CNTNAP2: variants seen among roughly 807,000 people sequenced by gnomAD.
CNTNAP2 encodes the protein contactin-associated protein-like 2.
Under a neutral mutation model 155.2 loss-of-function variants are expected in CNTNAP2, and 98 were observed. That is an observed-to-expected ratio of 0.63 (90% CI 0.54 to 0.75). CNTNAP2 has a LOEUF of 0.75. Ranked by LOEUF, CNTNAP2 falls within the 30% of genes least tolerant of loss-of-function variation. The pLI, the probability that CNTNAP2 is intolerant of heterozygous loss-of-function variation, is 0.00. For missense variants in CNTNAP2, 1,727 were observed against 1,688.1 expected (o/e 1.02, Z -0.40); for synonymous variants, 651 against 631.2 (o/e 1.03, Z -0.47).
chr7:146,330,085 C>A lies in CNTNAP2; in HGVS notation c.97+213112C>A, dbSNP rs532372311. 1.5e-4 allele frequency among the ~76,000 whole-genome samples: 20 copies of A among 129,754 alleles called. No homozygotes were observed. In the East Asian group the frequency reaches 4.2e-3, roughly 27 times the overall value. 85.1% of individuals were successfully genotyped at this position (129,754 alleles called of 152,430 possible). A position where few individuals can be genotyped will look rare whatever the true frequency, so the allele number is the denominator to read the frequency against. ...TTGCCCAGGCTGGAGTGCAATGGCA[C>A]AATCTTGGCTCACTGCAACCTCCGC... On this transcript the variant is annotated intron_variant, in intron 1 of 23. Coordinates refer to ENST00000361727, the MANE Select transcript of CNTNAP2 (RefSeq NM_014141.6).
intron 11 of CNTNAP2, among the ~76,000 whole-genome samples, chr7:147,541,224 T>C (rs975308415): frequency 6.6e-6 from 1 of 152,190 alleles, no homozygotes; most frequent in Non-Finnish European, 1.5e-5. Context: ...TGACTCTTAG[T>C]ATAATGCAGT....
intron 16 of CNTNAP2, among the ~76,000 whole-genome samples, chr7:148,121,726 A>G (rs1217021619): frequency 1.3e-5 from 2 of 152,196 alleles, no homozygotes; most frequent in African/African-American, 4.8e-5. Flanking sequence ...ACAATGAGTC[A>G]GTGTACACTA....
At chr7:146,378,891 A>G (rs1795342456) in intron 1 of CNTNAP2, among the ~76,000 whole-genome samples, 1 of 152,258 alleles carries the variant, frequency 6.6e-6, no homozygotes, top group African/African-American at 2.4e-5. Context: ...CTATCATTTT[A>G]GAGAAATCAA....
At chr7:147,302,312 G>T (rs192435236) in intron 9 of CNTNAP2, among the ~76,000 whole-genome samples, 31 of 152,228 alleles carry the variant, frequency 2.0e-4, no homozygotes, top group Non-Finnish European at 3.8e-4. Context: ...AGTTTTTATC[G>T]ATTTCAATCT....
intron 8 of CNTNAP2, among the ~76,000 whole-genome samples, chr7:147,273,485 G>C (rs986714425): frequency 6.6e-6 from 1 of 151,908 alleles, no homozygotes; most frequent in Non-Finnish European, 1.5e-5. Flanking sequence ...GTATCCAACA[G>C]TAATTTTTCA....
chr7:147,040,752 C>T (rs1315443643), intron 3 of CNTNAP2, among the ~76,000 whole-genome samples: 1 of 151,920 alleles, frequency 6.6e-6, no homozygotes, highest in African/African-American at 2.4e-5. Context: ...TGAGCCACTG[C>T]GCCTGGGGAA....
At chr7:147,276,993 A>G (rs1445418329) in intron 8 of CNTNAP2, among the ~76,000 whole-genome samples, 17 of 152,132 alleles carry the variant, frequency 1.1e-4, no homozygotes, top group Admixed American at 1.1e-3. Flanking sequence ...AAGTGTGCTC[A>G]CCTATGATTG....
intron 21 of CNTNAP2, among the ~76,000 whole-genome samples, chr7:148,311,967 A>AT (rs1797602873): frequency 6.6e-6 from 1 of 152,168 alleles, no homozygotes; most frequent in Non-Finnish European, 1.5e-5. Flanking sequence ...ATTGTGGGAG[A>AT]TTCAACAAAG....
chr7:146,683,903 A>G (rs2129170340), intron 1 of CNTNAP2, among the ~76,000 whole-genome samples: 1 of 152,196 alleles, frequency 6.6e-6, no homozygotes. Flanking sequence ...TGACACTTTG[A>G]CGATTTGTGA....
chr7:146,799,840 C>T (rs905739451), intron 2 of CNTNAP2, among the ~76,000 whole-genome samples: 1 of 152,126 alleles, frequency 6.6e-6, no homozygotes, highest in Non-Finnish European at 1.5e-5. Flanking sequence ...TTGATAATTG[C>T]ACCTATCTCA....
At chr7:147,686,448 A>T (rs1192419624) in intron 13 of CNTNAP2, among the ~76,000 whole-genome samples, 1 of 152,104 alleles carries the variant, frequency 6.6e-6, no homozygotes, top group Non-Finnish European at 1.5e-5. Flanking sequence ...TTGCATATCT[A>T]AGTTTGAATT....
chr7:146,650,962 G>A (rs1799900417), intron 1 of CNTNAP2, among the ~76,000 whole-genome samples: 1 of 152,032 alleles, frequency 6.6e-6, no homozygotes, highest in African/African-American at 2.4e-5. Flanking sequence ...CAAAGCTGCA[G>A]TGAGATATGA....
Position 147,694,115 on chromosome 7 carries a change from T to C in CNTNAP2, c.2098+54809T>C, listed in dbSNP as rs557712176. The stretch of plus-strand genomic sequence containing the variant: ...TTTTCTTTATCTCTTGATATGATCA[T>C]GTGATTTCTCTTCCTTAACCCATTG... On this transcript the variant is annotated intron_variant, in intron 13 of 23. Coordinates refer to ENST00000361727, the MANE Select transcript of CNTNAP2 (RefSeq NM_014141.6). 8.5e-5 allele frequency among the ~76,000 whole-genome samples: 13 copies of C among 152,168 alleles called. No homozygotes were observed. The South Asian group carries it at 2.3e-3, about 27-fold the overall frequency.
At chr7:146,274,830 A>C (rs1800139127) in intron 1 of CNTNAP2, among the ~76,000 whole-genome samples, 1 of 152,210 alleles carries the variant, frequency 6.6e-6, no homozygotes, top group Non-Finnish European at 1.5e-5. Context: ...CATTTCGAGC[A>C]AAGAGTGGGC....
intron 1 of CNTNAP2, among the ~76,000 whole-genome samples, chr7:146,742,905 A>T (rs1302247362): frequency 6.6e-6 from 1 of 152,206 alleles, no homozygotes; most frequent in African/African-American, 2.4e-5. Context: ...TCATATTCTC[A>T]TAGATTCCAT....
intron 1 of CNTNAP2, among the ~76,000 whole-genome samples, chr7:146,475,051 A>G (rs1446999226): frequency 6.6e-6 from 1 of 152,152 alleles, no homozygotes; most frequent in Non-Finnish European, 1.5e-5. Context: ...GTACTTACAT[A>G]TAAACAAATA....
Position 147,805,347 on chromosome 7 carries a change from A to G in CNTNAP2, c.2099-98218A>G, listed in dbSNP as rs544049231. Among the ~76,000 whole-genome samples, 27 of 152,304 alleles carry G rather than the reference A, an allele frequency of 1.8e-4. No homozygotes were observed. The South Asian group carries it at 5.6e-3, about 32-fold the overall frequency. ...CAACTTAAAGGAGTGAATTTTCTAAATATAAGATTATATCATCTAAAAACA... is the reference window on the plus strand; with the variant it reads ...CAACTTAAAGGAGTGAATTTTCTAAGTATAAGATTATATCATCTAAAAACA... On this transcript the variant is annotated intron_variant, in intron 13 of 23. Coordinates refer to ENST00000361727, the MANE Select transcript of CNTNAP2 (RefSeq NM_014141.6).
At chr7:148,015,617 T>C (rs1481414066) in intron 15 of CNTNAP2, among the ~76,000 whole-genome samples, 1 of 152,206 alleles carries the variant, frequency 6.6e-6, no homozygotes, top group Non-Finnish European at 1.5e-5. Context: ...CTAACTGACC[T>C]GGAAACATTA....
At position 146,689,349 on chromosome 7, in the gene CNTNAP2, A is replaced by G. The variant is rs189692194; in HGVS notation, c.98-84922A>G. Among the ~76,000 whole-genome samples, 15 of 152,214 alleles carry G rather than the reference A, an allele frequency of 9.9e-5. No homozygotes were observed. In the East Asian group the frequency reaches 2.3e-3, roughly 24 times the overall value. ...CATATTTTATCACATTTGTATTGTT[A>G]TTATAAATATGTGTTTATATGTATA... On this transcript the variant is annotated intron_variant, in intron 1 of 23. Transcript: ENST00000361727.
Sources: gnomAD v4.1 joint callset for allele counts (sites outside exome capture counted in the v4.1 genomes callset) on GRCh38, gnomAD v4.1.1 for gene constraint, MANE v1.5 for transcripts, NCBI Gene and HGNC (gene_info 2026-07-23, HGNC 2026-07-21) for gene names.